Variants in MTHFSD observed in about 807,000 individuals in gnomAD.
MTHFSD encodes methenyltetrahydrofolate synthase domain-containing protein.
MTHFSD carries 37 observed loss-of-function variants against 31.1 expected under a neutral mutation model. The ratio of observed to expected loss-of-function variants is 1.19; its 90% confidence interval spans 0.91 to 1.56. The LOEUF is 1.56. MTHFSD is among the 40% of genes most tolerant of loss of function. The pLI, the probability that MTHFSD is intolerant of heterozygous loss-of-function variation, is 0.00. For missense variants in MTHFSD, 664 were observed against 510.1 expected (o/e 1.30, Z -2.91); for synonymous variants, 221 against 206.9 (o/e 1.07, Z -0.59).
At chr16:86,539,957 T>A (rs1198313558) in intron 7 of MTHFSD, among the ~76,000 whole-genome samples, 1 of 152,210 alleles carries the variant, frequency 6.6e-6, no homozygotes, top group African/African-American at 2.4e-5. Context: ...TATAATATCA[T>A]GGAGAGGTAT....
chr16:86,554,096 A>C (rs1023671887), intron 2 of MTHFSD, among the ~76,000 whole-genome samples: 1 of 152,156 alleles, frequency 6.6e-6, no homozygotes, highest in Non-Finnish European at 1.5e-5. Flanking sequence ...AGGCTGCCTG[A>C]ACCAGCAGCA....
intron 1 of MTHFSD, 94 bp from the exon 2 acceptor site, chr16:86,554,845 G>T: frequency 8.6e-7 from 1 of 1,165,394 alleles, no homozygotes; most frequent in Non-Finnish European, 1.2e-6. Flanking sequence ...CCCGCGTGTA[G>T]GTCAAACCGG....
At chr16:86,541,494 C>T (rs9674143) in intron 7 of MTHFSD, 17 of 749,050 alleles carry the variant, frequency 2.3e-5, no homozygotes, top group South Asian at 2.1e-4. Flanking sequence ...GCTGCTTTTT[C>T]GAATCCCAGA....
At chr16:86,533,109 T>C (rs924044101) in intron 7 of MTHFSD, 5 of 152,276 alleles carry the variant, frequency 3.3e-5, no homozygotes, top group African/African-American at 1.2e-4. Flanking sequence ...CATCAAACTA[T>C]GAAATCAGTA....
chr16:86,552,291 C>T, intron 2 of MTHFSD, 145 bp from the exon 3 acceptor site: 2 of 1,571,306 alleles, frequency 1.3e-6, no homozygotes, highest in Non-Finnish European at 1.7e-6. Flanking sequence ...ATGAGAAGCG[C>T]CCTGTTTCCA....
rs1291251937 is a variant in MTHFSD, at chr16:86,544,361, A to T, written c.443-2148T>A. ...AGGTCTAATATCCAGAGTCTGTAAG[A>T]AACTGAAACAAATTTACAAGAAAAA... is the stretch of plus-strand genomic sequence containing the variant. On this transcript the variant is annotated intron_variant, in intron 5 of 7. Transcript: ENST00000360900. Among the ~76,000 whole-genome samples, 3 of 152,196 alleles carry T rather than the reference A, an allele frequency of 2.0e-5. No homozygotes were observed. In the East Asian group the frequency reaches 5.8e-4, roughly 29 times the overall value.
At chr16:86,550,692 C>T (rs796879878) in intron 3 of MTHFSD, among the ~76,000 whole-genome samples, 2 of 152,368 alleles carry the variant, frequency 1.3e-5, no homozygotes, top group African/African-American at 2.4e-5. Context: ...TGACTGCCGA[C>T]TGCCGTCCTT....
intron 1 of MTHFSD, 68 bp from the exon 2 acceptor site, chr16:86,554,819 CAG>C: frequency 7.1e-7 from 1 of 1,401,018 alleles, no homozygotes; most frequent in Non-Finnish European, 1.0e-6. Context: ...AACCGCTTAA[CAG>C]TAGTTAAGCG....
intron 2 of MTHFSD, among the ~76,000 whole-genome samples, chr16:86,554,302 A>C (rs1330364202): frequency 6.6e-6 from 1 of 152,202 alleles, no homozygotes; most frequent in Non-Finnish European, 1.5e-5. Context: ...TCCAAACATC[A>C]GAAGGAACAA....
Position 86,532,411 on chromosome 16 carries a change from T to C in MTHFSD, c.752A>G (p.Lys251Arg), listed in dbSNP as rs1432412516. The change falls in exon 8 of 8, where the codon AAG (lysine) becomes AGG (arginine). Residue 251 changes from lysine to arginine, a missense_variant. Lys to Arg is a conservative substitution (Grantham distance 26). Coordinates refer to ENST00000360900, the MANE Select transcript of MTHFSD (RefSeq NM_001159377.2). Reference protein sequence around the residue: ...SLRAREQQAGKDVTLQGEHQH... With the variant: ...SLRAREQQAGRDVTLQGEHQH... The stretch of plus-strand genomic sequence containing the variant: ...GTGCTCACCCTGGAGGGTGACATCC[T>C]TCCCAGCCTGCTGCTCTCGGGCGCG... The C allele has an allele frequency of 6.6e-7, 1 of 1,504,520 alleles. No individual in the cohort carries two copies. Among genetic ancestry groups the C allele is most frequent in the East Asian group, 2.5e-5 (1 of 40,404 alleles). The allele number at this position is 1,504,520 out of a possible 1,614,324, so 93.2% of individuals were successfully genotyped here.
chr16:86,543,951 G>C (rs1273951229), intron 5 of MTHFSD, among the ~76,000 whole-genome samples: 1 of 152,196 alleles, frequency 6.6e-6, no homozygotes, highest in East Asian at 1.9e-4. Flanking sequence ...CAGGGATCTA[G>C]GTTGCGTGCT....
In MTHFSD at chr16:86,530,952, G is replaced by C. The variant is rs1320994994; in HGVS notation, c.*1059C>G. The C allele has an allele frequency of 2.0e-5, 3 of 152,196 alleles. No individual in the cohort carries two copies. The allele number at this position is 152,196 out of a possible 1,614,324, so 9.4% of individuals were successfully genotyped here. A position where few individuals can be genotyped will look rare whatever the true frequency, so the allele number is the denominator to read the frequency against. Reference sequence around the variant, plus strand: ...TGCGAAGTCTCCACAGGATTTTCACGGCAAAACCAATGAGAAAATGTCCTT... The same window carrying C: ...TGCGAAGTCTCCACAGGATTTTCACCGCAAAACCAATGAGAAAATGTCCTT... On this transcript the variant is annotated 3_prime_UTR_variant, in exon 8 of 8. Transcript: ENST00000360900.
intron 3 of MTHFSD, among the ~76,000 whole-genome samples, chr16:86,549,726 G>T (rs1972862839): frequency 6.6e-6 from 1 of 152,264 alleles, no homozygotes; most frequent in African/African-American, 2.4e-5. Context: ...ATGGCCAACA[G>T]TCTTCAAACC....
At position 86,554,819 on chromosome 16, in the gene MTHFSD, C is replaced by G. The variant is rs1013202049; in HGVS notation, c.17-68G>C. 6.6e-5 allele frequency: 92 copies of G among 1,400,912 alleles called. No individual in the cohort carries two copies. In the African/African-American group the frequency reaches 1.2e-3, roughly 19 times the overall value. 86.8% of individuals were successfully genotyped at this position (1,400,912 alleles called of 1,614,324 possible). A position where few individuals can be genotyped will look rare whatever the true frequency, so the allele number is the denominator to read the frequency against. On this transcript the variant is annotated intron_variant, in intron 1 of 7. Transcript: ENST00000360900. Reference sequence around the variant, plus strand: ...CAGAGCCCATGCTGAAACCGCTTAACAGTAGTTAAGCGACCCCCGCGTGTA... The same window carrying G: ...CAGAGCCCATGCTGAAACCGCTTAAGAGTAGTTAAGCGACCCCCGCGTGTA...
At chr16:86,554,551 T>G (rs1240068020) in intron 2 of MTHFSD, 94 bp downstream of exon 2, 1 of 993,998 alleles carries the variant, frequency 1.0e-6, no homozygotes, top group Non-Finnish European at 1.6e-6. Flanking sequence ...CACATTCTCA[T>G]CCACCATGAC....
At chr16:86,545,031 G>C (rs1040501268) in intron 5 of MTHFSD, among the ~76,000 whole-genome samples, 1 of 152,178 alleles carries the variant, frequency 6.6e-6, no homozygotes, top group African/African-American at 2.4e-5. Context: ...ACAGGGAGGG[G>C]AACAACACAT....
rs183105616 is a variant in MTHFSD at position 86,532,448 on chromosome 16, G to A, written c.715C>T (p.Leu239=). 6.2e-6 allele frequency: 9 copies of A among 1,449,314 alleles called. 1 individual carries two copies. The East Asian group carries it at 1.3e-4, about 21-fold the overall frequency. 89.8% of individuals were successfully genotyped at this position (1,449,314 alleles called of 1,614,324 possible). A position where few individuals can be genotyped will look rare whatever the true frequency, so the allele number is the denominator to read the frequency against. The change falls in exon 8 of 8, where the codon CTG becomes TTG. Residue 239 remains leucine, a synonymous_variant. Transcript: ENST00000360900. The part of the protein sequence containing the change: ...SLEMMEKIPI[L]RSLRAREQQA... ...TGCTCTCGGGCGCGGAGGCTCCTCA[G>A]TATGGGGATTTTCTCCATCATCTCC...
At position 86,555,176 on chromosome 16, in the gene MTHFSD, C is replaced by T. The variant is rs2143984351; in HGVS notation, c.9G>A (p.Pro3=). 2.0e-6 allele frequency: 3 copies of T among 1,537,022 alleles called. No individual in the cohort carries two copies. Among genetic ancestry groups the T allele is most frequent in the African/African-American group, 1.4e-5 (1 of 73,180 alleles). The stretch of plus-strand genomic sequence containing the variant: ...CCCCGCCAGGCCCCCCACCTGCCCT[C>T]GGCTCCATGGTGATGCAGTCGCTGT... ME[P]RAVGVSKQDI... is the part of the protein sequence containing the mutation. Residue 3 remains proline, a synonymous_variant, in exon 1 of 8, where the codon CCG becomes CCA. Transcript: ENST00000360900.
intron 6 of MTHFSD, 132 bp from the exon 7 acceptor site, chr16:86,541,954 C>CCCAGA: frequency 7.2e-7 from 1 of 1,387,998 alleles, no homozygotes; most frequent in Non-Finnish European, 9.9e-7. Context: ...AAGGCTTAGC[C>CCCAGA]GCTGTACCAC....
Sources: gnomAD v4.1 joint callset for allele counts (sites outside exome capture counted in the v4.1 genomes callset) on GRCh38, gnomAD v4.1.1 for gene constraint, MANE v1.5 for transcripts, NCBI Gene and HGNC (gene_info 2026-07-23, HGNC 2026-07-21) for gene names.